The following MSI2 variants were observed in gnomAD, a reference collection of about 807,000 sequenced individuals.
MSI2 encodes RNA-binding protein Musashi homolog 2.
A neutral mutation model predicts 45.6 loss-of-function variants in MSI2; 17 were observed. That is an observed-to-expected ratio of 0.37 (90% CI 0.26 to 0.56). The LOEUF (loss-of-function observed/expected upper bound fraction) is 0.56. Among genes scored for constraint, MSI2 ranks in the 20% least tolerant of loss-of-function variants. The probability of loss-of-function intolerance (pLI) is 0.77; values close to 1 mark genes in which losing one functional copy is unlikely to be tolerated. For synonymous variants in MSI2, 156 were observed against 158.2 expected, an observed-to-expected ratio of 0.99 and a Z score of 0.11; for missense variants, 293 against 444.2, an observed-to-expected ratio of 0.66 and a Z score of 3.06.
chr17:57,259,542 T>C (rs1387626901), intron 4 of MSI2, among the ~76,000 whole-genome samples: 1 of 152,236 alleles, frequency 6.6e-6, no homozygotes. Context: ...ATCAAAGAGA[T>C]CAGGAATGCG....
intron 5 of MSI2, among the ~76,000 whole-genome samples, chr17:57,363,018 A>T (rs182226737): frequency 6.6e-6 from 1 of 152,256 alleles, no homozygotes; most frequent in Non-Finnish European, 1.5e-5. Flanking sequence ...GGTTATATAC[A>T]TGAGAGATTT....
In MSI2 at chr17:57,580,632, A is replaced by G. The variant is rs139622473; in HGVS notation, c.455-16236A>G. ...AAGCAATTTGGATGGCTGGGAAAAGAGAAGACATTTAGTCCATTTCATGCC... is the reference window on the plus strand; with the variant it reads ...AAGCAATTTGGATGGCTGGGAAAAGGGAAGACATTTAGTCCATTTCATGCC... On this transcript the variant is annotated intron_variant, in intron 7 of 13. Coordinates refer to ENST00000284073, the MANE Select transcript of MSI2 (RefSeq NM_138962.4). Among the ~76,000 whole-genome samples, 258 of 152,344 alleles carry G rather than the reference A, an allele frequency of 1.7e-3. 2 individuals are homozygous for G. The highest frequency in any genetic ancestry group is 5.7e-3 in the African/African-American group (239 of 41,570).
intron 7 of MSI2, among the ~76,000 whole-genome samples, chr17:57,566,580 GCAT>G (rs767832306): frequency 4.6e-5 from 7 of 152,156 alleles, no homozygotes; most frequent in Non-Finnish European, 7.3e-5. Flanking sequence ...TTGGTAGAGG[GCAT>G]GTGCAGAGTG....
Position 57,502,636 on chromosome 17 carries a change from T to TATATATATAG in MSI2, c.406-27039_406-27038insTATATATAGA. On this transcript the variant is annotated intron_variant, in intron 6 of 13. Transcript: ENST00000284073. ...ATATATATATATATATATATATATA[T>TATATATATAG]AGTCATCATTCTGTCATGCAGGAAG... Among the ~76,000 whole-genome samples, 473 of 96,522 alleles carry TATATATATAG rather than the reference T, an allele frequency of 4.9e-3. 11 individuals are homozygous for TATATATATAG. The highest frequency in any genetic ancestry group is 7.0e-3 in the Non-Finnish European group (324 of 46,252). 63.3% of individuals were successfully genotyped at this position (96,522 alleles called of 152,430 possible). A position where few individuals can be genotyped will look rare whatever the true frequency, so the allele number is the denominator to read the frequency against.
intron 7 of MSI2, among the ~76,000 whole-genome samples, chr17:57,576,773 T>A (rs1329729148): frequency 4.0e-4 from 50 of 125,032 alleles, no homozygotes; most frequent in Non-Finnish European, 7.0e-4. Context: ...AAAAAAAAAA[T>A]GACTATAATC....
rs1598522638 is a variant in MSI2, at chr17:57,680,990, C to A, written c.*1473C>A. 5.3e-6 allele frequency: 1 copy of A among 189,006 alleles called. No homozygotes were observed. The highest frequency in any genetic ancestry group is 8.4e-5 in the East Asian group (1 of 11,870). 11.7% of individuals were successfully genotyped at this position (189,006 alleles called of 1,614,324 possible). Reference sequence around the variant, plus strand: ...TTCTATTTACAAATTAGGAAAGCAACCTTTTGGTTTATATATATTTTTTTT... The same window carrying A: ...TTCTATTTACAAATTAGGAAAGCAAACTTTTGGTTTATATATATTTTTTTT... On this transcript the variant is annotated 3_prime_UTR_variant, in exon 14 of 14. Transcript: ENST00000284073.
intron 5 of MSI2, among the ~76,000 whole-genome samples, chr17:57,338,096 T>G (rs1415426476): frequency 6.6e-6 from 1 of 152,200 alleles, no homozygotes; most frequent in African/African-American, 2.4e-5. Context: ...ATTTTGTTTT[T>G]TATTTATTTT....
chr17:57,609,630 CA>C (rs1907028306), intron 8 of MSI2, among the ~76,000 whole-genome samples: 1 of 152,218 alleles, frequency 6.6e-6, no homozygotes, highest in Non-Finnish European at 1.5e-5. Context: ...CAGGGAAAAA[CA>C]AAAGCCCTTT....
intron 6 of MSI2, among the ~76,000 whole-genome samples, chr17:57,458,682 G>T (rs899162413): frequency 6.6e-6 from 1 of 152,180 alleles, no homozygotes; most frequent in African/African-American, 2.4e-5. Context: ...AAGCCCAGCT[G>T]CTCGGCCCAT....
chr17:57,700,922 A>G, the MSI2 span, among the ~76,000 whole-genome samples: 1 of 151,854 alleles, frequency 6.6e-6, no homozygotes, highest in Non-Finnish European at 1.5e-5. Flanking sequence ...AAAAAATTTA[A>G]TAATGTCAGC....
At position 57,596,129 on chromosome 17, in the gene MSI2, G is replaced by A. The variant is rs949553814; in HGVS notation, c.455-739G>A. Among the ~76,000 whole-genome samples, 6 of 152,208 alleles carry A rather than the reference G, an allele frequency of 3.9e-5. No individual in the cohort carries two copies. The highest frequency in any genetic ancestry group is 1.4e-4 in the African/African-American group (6 of 41,458). On this transcript the variant is annotated intron_variant, in intron 7 of 13. Transcript: ENST00000284073. The surrounding 1 kb of genome is among the most constrained non-coding windows in gnomAD (Gnocchi z 4.6). Reference sequence around the variant, plus strand: ...GGAAACGCTGTCGGAGGCGGGAGGAGAAGAAAGAAAGGGGCAGGAGGGTAG... The same window carrying A: ...GGAAACGCTGTCGGAGGCGGGAGGAAAAGAAAGAAAGGGGCAGGAGGGTAG...
intron 9 of MSI2, among the ~76,000 whole-genome samples, chr17:57,619,088 C>T (rs1188637494): frequency 2.6e-5 from 4 of 152,140 alleles, no homozygotes; most frequent in Admixed American, 2.0e-4. Flanking sequence ...AGGTGTGAAG[C>T]GGAGCCAGCT....
At chr17:57,450,556 A>G (rs2084997349) in intron 6 of MSI2, among the ~76,000 whole-genome samples, 2 of 150,570 alleles carry the variant, frequency 1.3e-5, no homozygotes, top group Non-Finnish European at 3.0e-5. Flanking sequence ...TGTTATCCCA[A>G]TTACTCGGGA....
chr17:57,582,153 T>G (rs762521563), intron 7 of MSI2, among the ~76,000 whole-genome samples: 1 of 152,200 alleles, frequency 6.6e-6, no homozygotes, highest in African/African-American at 2.4e-5. Context: ...TGAAGGTCCC[T>G]GTTCCCACCC....
Position 57,682,613 on chromosome 17 carries a change from TC to T in MSI2, c.*3102del, listed in dbSNP as rs1567977275. 1 of 209,920 alleles carries T rather than the reference TC, an allele frequency of 4.8e-6. No homozygotes were observed. 13.0% of individuals were successfully genotyped at this position (209,920 alleles called of 1,614,324 possible). On this transcript the variant is annotated 3_prime_UTR_variant, in exon 14 of 14. Transcript: ENST00000284073. ...TACCTAGGTTTAAGGTTCACGTTAG[TC>T]CCCCCATTCCATCTAGAAGTCCATT...
intron 5 of MSI2, among the ~76,000 whole-genome samples, chr17:57,356,437 T>C (rs1916422894): frequency 6.6e-6 from 1 of 152,174 alleles, no homozygotes; most frequent in African/African-American, 2.4e-5. Flanking sequence ...AAAAGCACTC[T>C]TAGCAATCCG....
intron 7 of MSI2, among the ~76,000 whole-genome samples, chr17:57,577,561 C>T (rs186110049): frequency 2.8e-3 from 422 of 152,034 alleles, no homozygotes; most frequent in Non-Finnish European, 3.9e-3. Context: ...GATAGACAAG[C>T]AAGAGAAAAG....
intron 5 of MSI2, among the ~76,000 whole-genome samples, chr17:57,348,331 T>C (rs1915776260): frequency 1.3e-5 from 2 of 152,208 alleles, no homozygotes; most frequent in South Asian, 2.1e-4. Context: ...TCAGGAGTTC[T>C]AGTGTTCAGC....
chr17:57,603,605 C>T (rs528444094), intron 8 of MSI2, among the ~76,000 whole-genome samples: 1 of 152,338 alleles, frequency 6.6e-6, no homozygotes, highest in South Asian at 2.1e-4. Context: ...TTCACGTTTC[C>T]CCCACTGGGC....
Sources: allele counts gnomAD v4.1 joint callset (sites outside exome capture counted in the v4.1 genomes callset), GRCh38; gene constraint gnomAD v4.1.1; non-coding constraint Gnocchi (gnomAD v3.1); transcripts MANE v1.5; gene names NCBI Gene and HGNC (gene_info 2026-07-23, HGNC 2026-07-21).